The following TBCD variants were observed in gnomAD, a reference collection of about 807,000 sequenced individuals.
The protein encoded by TBCD is tubulin folding cofactor D, also known as tubulin-specific chaperone D.
In TBCD, 105 loss-of-function variants were observed where a neutral mutation model predicts 169.3. That is an observed-to-expected ratio of 0.62 (90% CI 0.53 to 0.73). The LOEUF is 0.73. Among genes scored for constraint, TBCD ranks in the 30% least tolerant of loss-of-function variants. The probability of loss-of-function intolerance (pLI) is 0.00; values close to 1 mark genes in which losing one functional copy is unlikely to be tolerated. For missense variants in TBCD, 1,444 were observed against 1,600.1 expected, an observed-to-expected ratio of 0.90 and a Z score of 1.66; for synonymous variants, 700 against 643.9, an observed-to-expected ratio of 1.09 and a Z score of -1.32.
chr17:82,937,586 T>TGCCCTCGCGCTCTGCC lies in TBCD; in HGVS notation c.3281+227_3281+242dup, dbSNP rs1421515068. 11 of 606,806 alleles carry TGCCCTCGCGCTCTGCC rather than the reference T, an allele frequency of 1.8e-5. No homozygotes were observed. The African/African-American group carries it at 1.9e-4, about 10-fold the overall frequency. 37.6% of individuals were successfully genotyped at this position (606,806 alleles called of 1,614,324 possible). A position where few individuals can be genotyped will look rare whatever the true frequency, so the allele number is the denominator to read the frequency against. On this transcript the variant is annotated intron_variant, in intron 35 of 38. Transcript: ENST00000355528. ...GGGAACAGGCGAGCTCTGCCTCTGC[T>TGCCCTCGCGCTCTGCC]GCCCTCGCGCTCTGCCCTGGCGGGA... is the stretch of plus-strand genomic sequence containing the variant.
At chr17:82,881,687 C>T (rs973160422) in intron 14 of TBCD, among the ~76,000 whole-genome samples, 1 of 152,184 alleles carries the variant, frequency 6.6e-6, no homozygotes, top group African/African-American at 2.4e-5. Context: ...GGCCTCGGCA[C>T]GTCTGAGCTT....
At chr17:82,780,074 C>T (rs1264537061) in intron 6 of TBCD, among the ~76,000 whole-genome samples, 2 of 152,124 alleles carry the variant, frequency 1.3e-5, no homozygotes, top group Non-Finnish European at 2.9e-5. Context: ...GCAGGCTTGG[C>T]CAGTACTGGT....
At chr17:82,799,027 G>A (rs188864435) in intron 8 of TBCD, among the ~76,000 whole-genome samples, 176 of 152,292 alleles carry the variant, frequency 1.2e-3, no homozygotes, top group Non-Finnish European at 1.7e-3. Flanking sequence ...GAGCCACCAC[G>A]CCTGGCTCAA....
rs951023161 is a variant in TBCD at position 82,880,730 on chromosome 17, G to A, written c.1476-3415G>A. On this transcript the variant is annotated intron_variant, in intron 14 of 38. Coordinates refer to ENST00000355528, the MANE Select transcript of TBCD (RefSeq NM_005993.5). This position sits in a 1 kb window ranked among gnomAD's most constrained non-coding sequence, Gnocchi z 5.0. ...CCCACACAGTGACACCTGTCTGTCCGTCCGTCTGTCCACAGGAGCAGGAGG... is the reference window on the plus strand; with the variant it reads ...CCCACACAGTGACACCTGTCTGTCCATCCGTCTGTCCACAGGAGCAGGAGG... 1.3e-5 allele frequency among the ~76,000 whole-genome samples: 2 copies of A among 151,600 alleles called. No individual in the cohort carries two copies. Among genetic ancestry groups the A allele is most frequent in the East Asian group, 1.9e-4 (1 of 5,192 alleles).
chr17:82,883,592 G>A (rs1412889249), intron 14 of TBCD, among the ~76,000 whole-genome samples: 1 of 152,218 alleles, frequency 6.6e-6, no homozygotes, highest in Non-Finnish European at 1.5e-5. Context: ...TCTGCCAGAC[G>A]CCTTGTCTTC....
At position 82,903,281 on chromosome 17, in the gene TBCD, G is replaced by T. The variant is rs938460791; in HGVS notation, c.1731-124G>T. 8.4e-6 allele frequency: 7 copies of T among 835,102 alleles called. No homozygotes were observed. The highest frequency in any genetic ancestry group is 4.3e-5 in the Admixed American group (2 of 45,994). The allele number at this position is 835,102 out of a possible 1,614,324, so 51.7% of individuals were successfully genotyped here. A position where few individuals can be genotyped will look rare whatever the true frequency, so the allele number is the denominator to read the frequency against. On this transcript the variant is annotated intron_variant, in intron 18 of 38. Coordinates refer to ENST00000355528, the MANE Select transcript of TBCD (RefSeq NM_005993.5). The surrounding 1 kb of genome is among the most constrained non-coding windows in gnomAD (Gnocchi z 4.8). ...TGTACTGGTTCGTGTGAGTGAGTGAGTGAGCCTCTGCTAAGTGGCCGGTTG... is the reference window on the plus strand; with the variant it reads ...TGTACTGGTTCGTGTGAGTGAGTGATTGAGCCTCTGCTAAGTGGCCGGTTG...
At position 82,903,381 on chromosome 17, in the gene TBCD, AC is replaced by A; in HGVS notation, c.1731-23del. ...CTAGAATCATAAAATGAAGGCACTTACGACATTCTCTCCTCACTCTCAGGGT... is the reference window on the plus strand; with the variant it reads ...CTAGAATCATAAAATGAAGGCACTTAGACATTCTCTCCTCACTCTCAGGGT... On this transcript the variant is annotated intron_variant, in intron 18 of 38. Transcript: ENST00000355528. The surrounding 1 kb of genome is among the most constrained non-coding windows in gnomAD (Gnocchi z 4.8). 1 of 1,586,020 alleles carries A rather than the reference AC, an allele frequency of 6.3e-7. No homozygotes were observed. Among genetic ancestry groups the A allele is most frequent in the Non-Finnish European group, 8.6e-7 (1 of 1,164,918 alleles).
chr17:82,795,959 CTG>C (rs1276480416), intron 7 of TBCD: 1 of 152,342 alleles, frequency 6.6e-6, no homozygotes, highest in Non-Finnish European at 1.5e-5. Context: ...CTGCCTGCCT[CTG>C]TTGGTTGTGG....
intron 13 of TBCD, among the ~76,000 whole-genome samples, chr17:82,866,555 G>A (rs758117900): frequency 2.0e-5 from 3 of 152,254 alleles, no homozygotes; most frequent in Non-Finnish European, 4.4e-5. Flanking sequence ...GTCTCTTGCG[G>A]GTGTCATGGA....
At chr17:82,921,270 C>A in intron 24 of TBCD, 1 of 550,890 alleles carries the variant, frequency 1.8e-6, no homozygotes, top group Non-Finnish European at 3.2e-6. Context: ...TAAAAATTTA[C>A]AGAATGCTGG....
At chr17:82,803,074 G>A (rs1040355064) in intron 9 of TBCD, among the ~76,000 whole-genome samples, 13 of 151,916 alleles carry the variant, frequency 8.6e-5, no homozygotes, top group Admixed American at 3.9e-4. Context: ...TTGGATTTTC[G>A]TTGTCTCTGT....
At chr17:82,939,774 A>G (rs1327046413) in intron 37 of TBCD, among the ~76,000 whole-genome samples, 1 of 152,216 alleles carries the variant, frequency 6.6e-6, no homozygotes, top group Non-Finnish European at 1.5e-5. Context: ...TGTGGAGCAG[A>G]GGGCACTGAA....
rs1176780139 is a variant in TBCD, at chr17:82,806,389, G to A, written c.1087+378G>A. 1.3e-5 allele frequency among the ~76,000 whole-genome samples: 2 copies of A among 152,088 alleles called. No individual in the cohort carries two copies. Among genetic ancestry groups the A allele is most frequent in the African/African-American group, 4.8e-5 (2 of 41,384 alleles). ...CCCTGCTCAGTTCCTTACCTCAGGAGCCATTTCAAACTCCCTTAAACCACA... is the reference window on the plus strand; with the variant it reads ...CCCTGCTCAGTTCCTTACCTCAGGAACCATTTCAAACTCCCTTAAACCACA... On this transcript the variant is annotated intron_variant, in intron 10 of 38. Transcript: ENST00000355528. The surrounding 1 kb of genome is among the most constrained non-coding windows in gnomAD (Gnocchi z 5.1).
At chr17:82,765,890 A>G (rs1281654977) in intron 3 of TBCD, among the ~76,000 whole-genome samples, 2 of 152,076 alleles carry the variant, frequency 1.3e-5, no homozygotes, top group African/African-American at 4.8e-5. Flanking sequence ...CAGTCAGCTC[A>G]CTGCAGCCTC....
intron 4 of TBCD, 134 bp downstream of exon 4, chr17:82,766,502 TTC>T: frequency 3.7e-6 from 2 of 543,612 alleles, no homozygotes; most frequent in Non-Finnish European, 6.5e-6. Context: ...CACTCCTCTT[TTC>T]TTTCTTTTCT....
intron 3 of TBCD, 65 bp downstream of exon 3, chr17:82,764,127 C>T (rs879616637): frequency 6.7e-5 from 85 of 1,266,692 alleles, no homozygotes; most frequent in Non-Finnish European, 8.8e-5. Flanking sequence ...CCAGAGGTTA[C>T]CCTCCAAAAT....
In TBCD at chr17:82,807,677, C is replaced by T; in HGVS notation, c.1148+9C>T. ...TGGTCTGCAGCCAAGGGGTAGGTGT[C>T]TGTGGCCGCAGAAGCACCCCGGGGG... On this transcript the variant is annotated intron_variant, in intron 11 of 38. Transcript: ENST00000355528. 6.7e-7 allele frequency: 1 copy of T among 1,485,818 alleles called. No individual in the cohort carries two copies. Among genetic ancestry groups the T allele is most frequent in the African/African-American group, 1.4e-5 (1 of 70,640 alleles). 92.0% of individuals were successfully genotyped at this position (1,485,818 alleles called of 1,614,324 possible).
rs1315300546 is a variant in TBCD, at chr17:82,884,659, G to T, written c.1533+457G>T. ...CGCCACACTCGCCTGGGCCTTGCTG[G>T]ATGTGGGAGCTGCCTGCAGGACCGG... On this transcript the variant is annotated intron_variant, in intron 15 of 38. Coordinates refer to ENST00000355528, the MANE Select transcript of TBCD (RefSeq NM_005993.5). This position sits in a 1 kb window ranked among gnomAD's most constrained non-coding sequence, Gnocchi z 4.2. The T allele has an allele frequency of 4.8e-6, 1 of 207,538 alleles. No homozygotes were observed. The highest frequency in any genetic ancestry group is 5.1e-5 in the Admixed American group (1 of 19,696). The allele number at this position is 207,538 out of a possible 1,614,324, so 12.9% of individuals were successfully genotyped here. A position where few individuals can be genotyped will look rare whatever the true frequency, so the allele number is the denominator to read the frequency against.
At chr17:82,892,097 G>A (rs1413174285) in intron 16 of TBCD, among the ~76,000 whole-genome samples, 2 of 151,284 alleles carry the variant, frequency 1.3e-5, no homozygotes, top group Non-Finnish European at 2.9e-5. Context: ...TCTGCTCGGA[G>A]CCTGTTGTTC....
Sources: gnomAD v4.1 joint callset for allele counts (sites outside exome capture counted in the v4.1 genomes callset) on GRCh38, gnomAD v4.1.1 for gene constraint, Gnocchi (gnomAD v3.1) non-coding constraint, MANE v1.5 for transcripts, NCBI Gene and HGNC (gene_info 2026-07-23, HGNC 2026-07-21) for gene names.